RAMP1: variants seen among roughly 807,000 people sequenced by gnomAD.
The protein encoded by RAMP1 is receptor activity-modifying protein 1.
Under a neutral mutation model 8.2 loss-of-function variants are expected in RAMP1, and 7 were observed. The ratio of observed to expected loss-of-function variants is 0.85; its 90% CI spans 0.49 to 1.60. The LOEUF (loss-of-function observed/expected upper bound fraction) is 1.60, where lower values mean the gene tolerates loss of function less well. RAMP1 is among the 40% of genes most tolerant of loss of function. The pLI, the probability that RAMP1 is intolerant of heterozygous loss-of-function variation, is 0.00. For missense variants in RAMP1, 192 were observed against 202.4 expected (o/e 0.95, Z 0.31); for synonymous variants, 92 against 84.7 (o/e 1.09, Z -0.47).
At chr2:237,900,203 A>C (rs2062583772) in intron 2 of RAMP1, among the ~76,000 whole-genome samples, 1 of 152,046 alleles carries the variant, frequency 6.6e-6, no homozygotes, top group South Asian at 2.1e-4. Flanking sequence ...TCTGTCGCCC[A>C]GGCTGGAGTG....
At chr2:237,903,056 A>T (rs1186830670) in intron 2 of RAMP1, among the ~76,000 whole-genome samples, 3 of 152,146 alleles carry the variant, frequency 2.0e-5, no homozygotes, top group Non-Finnish European at 4.4e-5. Flanking sequence ...ACTGGGTCTC[A>T]CTAGGTTGCC....
intron 2 of RAMP1, among the ~76,000 whole-genome samples, chr2:237,887,996 G>A (rs1408071755): frequency 2.0e-5 from 3 of 150,182 alleles, no homozygotes. Flanking sequence ...GACATTCCTG[G>A]GAGAAATAAT....
chr2:237,886,082 G>A (rs923149635), intron 2 of RAMP1, among the ~76,000 whole-genome samples: 7 of 152,170 alleles, frequency 4.6e-5, no homozygotes, highest in South Asian at 2.1e-4. Context: ...CCCTGAGGAC[G>A]CCACTCCTGT....
intron 2 of RAMP1, among the ~76,000 whole-genome samples, chr2:237,909,398 A>G (rs899096662): frequency 2.6e-5 from 4 of 152,154 alleles, no homozygotes; most frequent in Admixed American, 2.0e-4. Context: ...GTGGACCTTC[A>G]TGATTGCAGC....
At chr2:237,884,150 C>T (rs2062403756) in intron 2 of RAMP1, among the ~76,000 whole-genome samples, 1 of 152,054 alleles carries the variant, frequency 6.6e-6, no homozygotes, top group Non-Finnish European at 1.5e-5. Context: ...CCCTTTCTAA[C>T]ACGTGTTGGG....
At chr2:237,868,093 G>T (rs113258795) in intron 1 of RAMP1, among the ~76,000 whole-genome samples, 16,531 of 150,792 alleles carry the variant, frequency 0.11, 1,063 homozygotes, top group Middle Eastern at 0.29. Flanking sequence ...GCCCAGGCTG[G>T]AGTGCAGTGG....
At chr2:237,882,650 A>G (rs1036160102) in intron 2 of RAMP1, among the ~76,000 whole-genome samples, 9 of 152,200 alleles carry the variant, frequency 5.9e-5, no homozygotes, top group Non-Finnish European at 1.3e-4. Flanking sequence ...GCATTGAGAC[A>G]CCAAGCCTGG....
At chr2:237,892,408 A>G (rs184402048) in intron 2 of RAMP1, among the ~76,000 whole-genome samples, 1 of 150,992 alleles carries the variant, frequency 6.6e-6, no homozygotes, top group Non-Finnish European at 1.5e-5. Flanking sequence ...ACAGGCATGC[A>G]CCACATCATC....
At chr2:237,904,525 C>G (rs1398915246) in intron 2 of RAMP1, among the ~76,000 whole-genome samples, 6 of 152,160 alleles carry the variant, frequency 3.9e-5, no homozygotes, top group African/African-American at 1.4e-4. Flanking sequence ...AGAGGATCAC[C>G]TGAGCCCGGG....
chr2:237,905,082 A>G (rs2062639420), intron 2 of RAMP1, among the ~76,000 whole-genome samples: 1 of 152,204 alleles, frequency 6.6e-6, no homozygotes, highest in South Asian at 2.1e-4. Context: ...ATTCAGGAAC[A>G]TTCCAAGCAA....
chr2:237,895,517 T>C (rs1260425094), intron 2 of RAMP1, among the ~76,000 whole-genome samples: 1 of 152,072 alleles, frequency 6.6e-6, no homozygotes, highest in African/African-American at 2.4e-5. Flanking sequence ...CGAGGTGAGA[T>C]TGTGGCAGGA....
At chr2:237,899,502 AT>A (rs1236900272) in intron 2 of RAMP1, among the ~76,000 whole-genome samples, 1 of 152,148 alleles carries the variant, frequency 6.6e-6, no homozygotes. Context: ...ATGACGGTAC[AT>A]TTTTTTCCCA....
intron 2 of RAMP1, among the ~76,000 whole-genome samples, chr2:237,900,093 A>G (rs1013405320): frequency 1.3e-5 from 2 of 152,156 alleles, no homozygotes; most frequent in Admixed American, 1.3e-4. Flanking sequence ...TCCAATTTTT[A>G]ACAAACCTTT....
In RAMP1 at chr2:237,859,661, G is replaced by A. The variant is rs1348665538; in HGVS notation, c.-15G>A. On this transcript the variant is annotated 5_prime_UTR_variant, in exon 1 of 3. Transcript: ENST00000254661. The stretch of plus-strand genomic sequence containing the variant: ...GCGCGTGGCGAGCGGACTCGACTCG[G>A]CACCGCTGTGCACCATGGCCCGGGC... 8 of 1,473,000 alleles carry A rather than the reference G, an allele frequency of 5.4e-6. No individual in the cohort carries two copies. The South Asian group carries it at 1.1e-4, about 19-fold the overall frequency. The allele number at this position is 1,473,000 out of a possible 1,614,324, so 91.2% of individuals were successfully genotyped here.
chr2:237,898,869 T>G (rs1427222573), intron 2 of RAMP1, among the ~76,000 whole-genome samples: 1 of 152,166 alleles, frequency 6.6e-6, no homozygotes, highest in African/African-American at 2.4e-5. Context: ...AGTGGCGCAG[T>G]AAGTGGCCAG....
intron 1 of RAMP1, among the ~76,000 whole-genome samples, chr2:237,871,407 C>T (rs749908560): frequency 2.0e-5 from 3 of 152,326 alleles, no homozygotes; most frequent in South Asian, 4.1e-4. Flanking sequence ...TGACACCTCA[C>T]GCAGGCACTC....
intron 1 of RAMP1, 74 bp downstream of exon 1, chr2:237,859,801 A>G: frequency 1.6e-6 from 1 of 630,058 alleles, no homozygotes. Flanking sequence ...AGAGGAGGGG[A>G]GCGGGTGGGA....
intron 2 of RAMP1, among the ~76,000 whole-genome samples, chr2:237,910,433 T>C (rs1336895965): frequency 7.1e-6 from 1 of 140,014 alleles, no homozygotes; most frequent in Non-Finnish European, 1.6e-5. Context: ...ACATAGAATG[T>C]CACACACTCA....
intron 2 of RAMP1, among the ~76,000 whole-genome samples, chr2:237,904,240 C>T (rs1181512899): frequency 4.1e-5 from 6 of 145,760 alleles, no homozygotes; most frequent in East Asian, 2.1e-4. Context: ...GGTGAAACCC[C>T]GTCTCTACTA....
Sources: allele counts gnomAD v4.1 joint callset (sites outside exome capture counted in the v4.1 genomes callset), GRCh38; gene constraint gnomAD v4.1.1; transcripts MANE v1.5; gene names NCBI Gene and HGNC (gene_info 2026-07-23, HGNC 2026-07-21).